C12orf42: variants seen among roughly 807,000 people sequenced by gnomAD.
C12orf42 encodes the protein chromosome 12 open reading frame 42, also known as uncharacterized protein C12orf42.
Under a neutral mutation model 21.6 loss-of-function variants are expected in C12orf42, and 25 were observed. That is an observed-to-expected ratio of 1.16 (90% CI 0.84 to 1.62). The LOEUF is 1.62. Among genes scored for constraint, C12orf42 ranks in the 40% most tolerant of loss-of-function variants. C12orf42 has a pLI of 0.00. For missense variants in C12orf42, 483 were observed against 459.3 expected (o/e 1.05, Z -0.47); for synonymous variants, 174 against 175.0 (o/e 0.99, Z 0.05).
the C12orf42 span, among the ~76,000 whole-genome samples, chr12:103,075,715 C>A: frequency 6.6e-6 from 1 of 152,112 alleles, no homozygotes; most frequent in Non-Finnish European, 1.5e-5. Flanking sequence ...ACCACCCAAC[C>A]AGTCCAGTAA....
the C12orf42 span, among the ~76,000 whole-genome samples, chr12:103,510,984 T>A: frequency 2.6e-5 from 4 of 152,200 alleles, no homozygotes; most frequent in Non-Finnish European, 4.4e-5. Flanking sequence ...TATTGGCAAG[T>A]TGTGGGAGGC....
chr12:103,209,233 T>A, the C12orf42 span, among the ~76,000 whole-genome samples: 2 of 152,212 alleles, frequency 1.3e-5, no homozygotes, highest in African/African-American at 4.8e-5. Context: ...AAATAATGTG[T>A]AATGAGGCAT....
chr12:103,274,207 A>C (rs1189054471), intron 5 of C12orf42, among the ~76,000 whole-genome samples: 1 of 152,188 alleles, frequency 6.6e-6, no homozygotes, highest in Non-Finnish European at 1.5e-5. Flanking sequence ...AATACAGCCA[A>C]GGCAACATAG....
At chr12:103,089,294 T>C in the C12orf42 span, among the ~76,000 whole-genome samples, 1 of 151,944 alleles carries the variant, frequency 6.6e-6, no homozygotes, top group Non-Finnish European at 1.5e-5. Context: ...CCTAAACAAA[T>C]GGTGAGATTT....
In C12orf42 at chr12:103,478,438, G is replaced by A. The variant is rs751712014; in HGVS notation, c.-12C>T. ...ATCACTGTAGACATTAATTTGACAA[G>A]TTCAACTCCCTATAAACAAAGAATG... On this transcript the variant is annotated 5_prime_UTR_variant, in exon 2 of 6. Coordinates refer to ENST00000548883, the MANE Select transcript of C12orf42 (RefSeq NM_198521.5). 2 of 1,504,066 alleles carry A rather than the reference G, an allele frequency of 1.3e-6. No homozygotes were observed. Among genetic ancestry groups the A allele is most frequent in the South Asian group, 1.2e-5 (1 of 81,998 alleles). The allele number at this position is 1,504,066 out of a possible 1,614,324, so 93.2% of individuals were successfully genotyped here. A position where few individuals can be genotyped will look rare whatever the true frequency, so the allele number is the denominator to read the frequency against.
chr12:103,088,405 G>C, the C12orf42 span, among the ~76,000 whole-genome samples: 1 of 152,186 alleles, frequency 6.6e-6, no homozygotes, highest in Non-Finnish European at 1.5e-5. Context: ...ACACTTATGG[G>C]ACAGTTGGCA....
intron 5 of C12orf42, among the ~76,000 whole-genome samples, chr12:103,303,104 C>A (rs1826747812): frequency 6.6e-6 from 1 of 152,050 alleles, no homozygotes; most frequent in African/African-American, 2.4e-5. Flanking sequence ...GTAAATTAAC[C>A]TAAGACTGGG....
chr12:103,315,400 T>C (rs567478485), intron 4 of C12orf42, among the ~76,000 whole-genome samples: 2 of 152,224 alleles, frequency 1.3e-5, no homozygotes, highest in South Asian at 4.1e-4. Flanking sequence ...AAAGAAATGC[T>C]ATAAATAAAA....
At chr12:103,447,155 G>C (rs1043193647) in intron 2 of C12orf42, among the ~76,000 whole-genome samples, 2 of 151,758 alleles carry the variant, frequency 1.3e-5, no homozygotes, top group Non-Finnish European at 2.9e-5. Flanking sequence ...AAATTATATA[G>C]AGTACTCTCT....
intron 2 of C12orf42, among the ~76,000 whole-genome samples, chr12:103,463,368 A>G (rs189970991): frequency 7.5e-4 from 115 of 152,334 alleles, no homozygotes; most frequent in Middle Eastern, 3.4e-3. Context: ...ACTAGAATGG[A>G]ATCAAATGGG....
chr12:103,158,892 G>A, the C12orf42 span, among the ~76,000 whole-genome samples: 1 of 144,658 alleles, frequency 6.9e-6, no homozygotes, highest in African/African-American at 2.6e-5. Flanking sequence ...AAAAAAAAAT[G>A]GATTGATAGT....
chr12:103,525,866 A>G, the C12orf42 span, among the ~76,000 whole-genome samples: 1 of 152,160 alleles, frequency 6.6e-6, no homozygotes, highest in Non-Finnish European at 1.5e-5. Flanking sequence ...CATCTCTACT[A>G]AAAATACAAA....
At chr12:103,148,522 T>C in the C12orf42 span, among the ~76,000 whole-genome samples, 1 of 152,136 alleles carries the variant, frequency 6.6e-6, no homozygotes, top group East Asian at 1.9e-4. Flanking sequence ...TTAGTGCTAT[T>C]TATTGTTCCC....
chr12:103,372,028 A>C (rs1213953548), intron 3 of C12orf42, among the ~76,000 whole-genome samples: 1 of 152,158 alleles, frequency 6.6e-6, no homozygotes. Context: ...GAGTAAGCAC[A>C]GCCAGCAATA....
At chr12:103,487,478 G>A (rs375581655) in intron 1 of C12orf42, among the ~76,000 whole-genome samples, 1 of 152,186 alleles carries the variant, frequency 6.6e-6, no homozygotes, top group East Asian at 1.9e-4. Context: ...GGTCTACTTG[G>A]TGCAGAACTG....
At chr12:103,155,296 C>T in the C12orf42 span, 12 of 152,162 alleles carry the variant, frequency 7.9e-5, no homozygotes, top group African/African-American at 2.7e-4. Context: ...GTGGTATGCA[C>T]CTCCAATTGG....
the C12orf42 span, among the ~76,000 whole-genome samples, chr12:103,531,325 A>T: frequency 6.6e-6 from 1 of 152,118 alleles, no homozygotes; most frequent in South Asian, 2.1e-4. Flanking sequence ...CCACATCCTG[A>T]GTTGTGATCA....
chr12:103,371,597 G>A (rs1356823417), intron 3 of C12orf42, among the ~76,000 whole-genome samples: 3 of 152,112 alleles, frequency 2.0e-5, no homozygotes, highest in African/African-American at 7.2e-5. Flanking sequence ...AAAGAGAGAG[G>A]AGTACCACAG....
the C12orf42 span, among the ~76,000 whole-genome samples, chr12:103,118,281 T>C: frequency 1.3e-5 from 2 of 152,278 alleles, no homozygotes; most frequent in South Asian, 4.1e-4. Flanking sequence ...CTTTAATAAA[T>C]ATTTTGAAGA....
Sources: gnomAD v4.1 joint callset for allele counts (sites outside exome capture counted in the v4.1 genomes callset) on GRCh38, gnomAD v4.1.1 for gene constraint, MANE v1.5 for transcripts, NCBI Gene and HGNC (gene_info 2026-07-23, HGNC 2026-07-21) for gene names.